Variants in DENND1A observed in about 807,000 individuals in gnomAD.
The protein encoded by DENND1A is DENN domain-containing protein 1A.
A neutral mutation model predicts 113.7 loss-of-function variants in DENND1A; 51 were observed. That is an observed-to-expected ratio of 0.45 (90% CI 0.36 to 0.57). The LOEUF (loss-of-function observed/expected upper bound fraction) is 0.57. Ranked by LOEUF, DENND1A falls within the 20% of genes least tolerant of loss-of-function variation. The pLI is 0.00. For missense variants in DENND1A, 1,258 were observed against 1,395.9 expected (o/e 0.90, Z 1.57); for synonymous variants, 565 against 570.8 (o/e 0.99, Z 0.14).
At chr9:123,441,542 CA>C (rs1370412689) in intron 18 of DENND1A, among the ~76,000 whole-genome samples, 2 of 152,182 alleles carry the variant, frequency 1.3e-5, no homozygotes, top group Non-Finnish European at 2.9e-5. Context: ...AGAAAAACCA[CA>C]ATGTGCAAAA....
chr9:123,822,179 G>T (rs1371441594), intron 2 of DENND1A, among the ~76,000 whole-genome samples: 1 of 152,074 alleles, frequency 6.6e-6, no homozygotes, highest in African/African-American at 2.4e-5. Context: ...CTATCAAACT[G>T]ATAATACTAA....
rs995980636 is a variant in DENND1A, at chr9:123,721,420, C to T, written c.302+36283G>A. ...TGCCTATCATGCTCTGCCTTCTCTC[C>T]CATTCCTGTCCCACCTCCCCATCCA... On this transcript the variant is annotated intron_variant, in intron 5 of 23. Transcript: ENST00000394215. Among the ~76,000 whole-genome samples, 38 of 152,210 alleles carry T rather than the reference C, an allele frequency of 2.5e-4. 2 individuals are homozygous for T. Among genetic ancestry groups the T allele is most frequent in the Non-Finnish European group, 2.9e-5 (2 of 68,048 alleles).
chr9:123,592,779 C>A (rs73580116), intron 11 of DENND1A, among the ~76,000 whole-genome samples: 20,485 of 152,082 alleles, frequency 0.13, 1,744 homozygotes, highest in African/African-American at 0.24. Context: ...AGCTGGCACT[C>A]CAGGTGCATG....
chr9:123,436,098 G>C (rs976925451), intron 19 of DENND1A, among the ~76,000 whole-genome samples: 1 of 152,226 alleles, frequency 6.6e-6, no homozygotes, highest in African/African-American at 2.4e-5. Context: ...CTATAGCTGT[G>C]GGAAGGAGGA....
chr9:123,485,526 G>C (rs994620709), intron 13 of DENND1A: 2 of 151,992 alleles, frequency 1.3e-5, no homozygotes, highest in Non-Finnish European at 2.9e-5. Flanking sequence ...TCGGGGCTGC[G>C]AGCAGGGCTC....
intron 21 of DENND1A, chr9:123,401,659 A>G: frequency 6.8e-7 from 1 of 1,472,448 alleles, no homozygotes; most frequent in Non-Finnish European, 9.0e-7. Flanking sequence ...GGCATATTAA[A>G]CAAACAACAA....
At chr9:123,908,894 C>T (rs1378651031) in intron 1 of DENND1A, among the ~76,000 whole-genome samples, 2 of 152,176 alleles carry the variant, frequency 1.3e-5, no homozygotes, top group African/African-American at 4.8e-5. Context: ...AAGACACCTG[C>T]ACACGTATGT....
At chr9:123,913,113 TAAAAAAAAAAA>T (rs915063969) in intron 1 of DENND1A, among the ~76,000 whole-genome samples, 2 of 86,712 alleles carry the variant, frequency 2.3e-5, no homozygotes, top group Non-Finnish European at 2.3e-5. Context: ...AAAGACAGTT[TAAAAAAAAAAA>T]AAAAAAAAAA....
At chr9:123,774,035 C>A (rs958535079) in intron 3 of DENND1A, among the ~76,000 whole-genome samples, 5 of 152,102 alleles carry the variant, frequency 3.3e-5, no homozygotes, top group African/African-American at 1.2e-4. Flanking sequence ...GGAAGGGAAA[C>A]CATGGGAGAA....
At chr9:123,415,400 C>T (rs1191777133) in intron 19 of DENND1A, among the ~76,000 whole-genome samples, 1 of 152,142 alleles carries the variant, frequency 6.6e-6, no homozygotes, top group Admixed American at 6.5e-5. Context: ...GGTGAACTCC[C>T]AGGGGGTGCG....
At chr9:123,583,360 A>G in intron 11 of DENND1A, 90 bp from the exon 12 acceptor site, 1 of 911,826 alleles carries the variant, frequency 1.1e-6, no homozygotes, top group Admixed American at 2.2e-5. Flanking sequence ...AGGCATAGAG[A>G]AGGAAAGTGA....
At chr9:123,534,532 T>G (rs577472514) in intron 13 of DENND1A, among the ~76,000 whole-genome samples, 24 of 152,358 alleles carry the variant, frequency 1.6e-4, no homozygotes, top group African/African-American at 4.8e-4. Context: ...TGCAAGAGTT[T>G]CAACTTTATA....
intron 2 of DENND1A, among the ~76,000 whole-genome samples, chr9:123,836,395 G>T (rs1221583612): frequency 6.6e-6 from 1 of 151,884 alleles, no homozygotes; most frequent in African/African-American, 2.4e-5. Flanking sequence ...CTTGACTATG[G>T]GTATTTTATT....
chr9:123,687,200 CAG>C (rs754659765), intron 5 of DENND1A, among the ~76,000 whole-genome samples: 1 of 152,078 alleles, frequency 6.6e-6, no homozygotes, highest in Non-Finnish European at 1.5e-5. Flanking sequence ...TTTTAGGAGG[CAG>C]AGTTTTAGCC....
intron 2 of DENND1A, among the ~76,000 whole-genome samples, chr9:123,798,981 C>T (rs2132179461): frequency 6.6e-6 from 1 of 152,068 alleles, no homozygotes; most frequent in Middle Eastern, 3.4e-3. Context: ...CATTTTATCC[C>T]ACTTTTTTGA....
chr9:123,794,201 G>T (rs1833439295), intron 2 of DENND1A, among the ~76,000 whole-genome samples: 1 of 152,172 alleles, frequency 6.6e-6, no homozygotes. Context: ...TGGCGGAGAA[G>T]AATTCGCCAG....
chr9:123,607,059 G>A (rs1372446735), intron 11 of DENND1A, among the ~76,000 whole-genome samples: 1 of 152,164 alleles, frequency 6.6e-6, no homozygotes, highest in African/African-American at 2.4e-5. Context: ...AGAACCCAGG[G>A]ACTGTGTAGG....
intron 1 of DENND1A, among the ~76,000 whole-genome samples, chr9:123,915,822 C>T (rs887322418): frequency 6.6e-6 from 1 of 152,008 alleles, no homozygotes; most frequent in African/African-American, 2.4e-5. Flanking sequence ...GTATTTGATT[C>T]GTGACCATAT....
chr9:123,502,984 A>G (rs1450902918), intron 13 of DENND1A, among the ~76,000 whole-genome samples: 1 of 152,236 alleles, frequency 6.6e-6, no homozygotes, highest in Non-Finnish European at 1.5e-5. Flanking sequence ...AGCCGTGACC[A>G]TGGCTGCTAT....
Sources: allele counts gnomAD v4.1 joint callset (sites outside exome capture counted in the v4.1 genomes callset), GRCh38; gene constraint gnomAD v4.1.1; transcripts MANE v1.5; gene names NCBI Gene and HGNC (gene_info 2026-07-23, HGNC 2026-07-21).